ARHGEF3: variants seen among roughly 807,000 people sequenced by gnomAD.
The protein encoded by ARHGEF3 is Rho guanine nucleotide exchange factor 3, also known as 59.8 kDA protein.
ARHGEF3 carries 28 observed loss-of-function variants against 63.2 expected under a neutral mutation model. The observed-to-expected ratio is 0.44, with a 90% CI of 0.33 to 0.61. The LOEUF (loss-of-function observed/expected upper bound fraction) is 0.61. ARHGEF3 is among the 20% of genes least tolerant of loss of function. The pLI is 0.03. For missense variants in ARHGEF3, 533 were observed against 659.3 expected, an observed-to-expected ratio of 0.81 and a Z score of 2.10; for synonymous variants, 266 against 254.2, an observed-to-expected ratio of 1.05 and a Z score of -0.44.
At chr3:57,063,006 T>C (rs903265206) in intron 1 of ARHGEF3, among the ~76,000 whole-genome samples, 1 of 151,842 alleles carries the variant, frequency 6.6e-6, no homozygotes, top group Non-Finnish European at 1.5e-5. Context: ...ATAACGATAG[T>C]GTAAGGAGAA....
Position 56,968,042 on chromosome 3 carries a change from AAATATATATAATATATAT to A in ARHGEF3, c.63-9171_63-9154del, listed in dbSNP as rs1378314358. ...AAAACATATATATTTAATATATATA[AAATATATATAATATATAT>A]AATATATATAATATATTATATATTT... On this transcript the variant is annotated intron_variant, in intron 2 of 12. Transcript: ENST00000338458. Among the ~76,000 whole-genome samples the A allele has an allele frequency of 9.3e-4, 9 of 9,650 alleles. No individual in the cohort carries two copies. In the South Asian group the frequency reaches 0.018, roughly 20 times the overall value. The allele number at this position is 9,650 out of a possible 152,430, so 6.3% of individuals were successfully genotyped here.
chr3:56,757,716 A>G (rs2035158841), intron 2 of ARHGEF3, among the ~76,000 whole-genome samples: 1 of 151,320 alleles, frequency 6.6e-6, no homozygotes, highest in Non-Finnish European at 1.5e-5. Flanking sequence ...TCCTTTATAT[A>G]TTTTTAGCCT....
chr3:56,915,145 C>T (rs2108349064), intron 3 of ARHGEF3, among the ~76,000 whole-genome samples: 1 of 152,252 alleles, frequency 6.6e-6, no homozygotes, highest in Middle Eastern at 3.4e-3. Context: ...AAGCAATGGG[C>T]ATTGCCTTTA....
chr3:56,991,709 G>A (rs1402904647), intron 2 of ARHGEF3, among the ~76,000 whole-genome samples: 1 of 152,176 alleles, frequency 6.6e-6, no homozygotes, highest in Non-Finnish European at 1.5e-5. Flanking sequence ...CTGCCTCCCA[G>A]GTTCAAGCAA....
chr3:57,065,071 G>A (rs952005803), intron 1 of ARHGEF3, among the ~76,000 whole-genome samples: 2 of 152,216 alleles, frequency 1.3e-5, no homozygotes, highest in Non-Finnish European at 2.9e-5. Context: ...GGTGGAGAGA[G>A]GGTTCTGCTG....
At chr3:56,989,066 G>A (rs1401727906) in intron 2 of ARHGEF3, among the ~76,000 whole-genome samples, 2 of 152,186 alleles carry the variant, frequency 1.3e-5, no homozygotes, top group African/African-American at 4.8e-5. Flanking sequence ...CACCGATTGT[G>A]AGTGAAGAGT....
intron 4 of ARHGEF3, among the ~76,000 whole-genome samples, chr3:56,813,374 A>G (rs946360040): frequency 3.3e-5 from 5 of 152,182 alleles, no homozygotes; most frequent in African/African-American, 1.2e-4. Flanking sequence ...GAGGTTTTCC[A>G]CATGTTAGGC....
At chr3:57,056,961 T>A (rs1368497082) in intron 1 of ARHGEF3, among the ~76,000 whole-genome samples, 2 of 149,218 alleles carry the variant, frequency 1.3e-5, no homozygotes, top group Admixed American at 6.7e-5. Context: ...CACACACCCC[T>A]GCCCCCTGCC....
intron 3 of ARHGEF3, among the ~76,000 whole-genome samples, chr3:56,957,667 G>A (rs758680060): frequency 6.6e-6 from 1 of 152,170 alleles, no homozygotes; most frequent in African/African-American, 2.4e-5. Flanking sequence ...TCAGATTCAG[G>A]GGGTGGTCAT....
At chr3:56,905,698 G>C (rs967278467) in intron 3 of ARHGEF3, among the ~76,000 whole-genome samples, 2 of 152,210 alleles carry the variant, frequency 1.3e-5, no homozygotes, top group African/African-American at 4.8e-5. Flanking sequence ...ATGTATAAAA[G>C]GTTGTTCCCC....
Position 56,751,320 on chromosome 3 carries a change from G to A in ARHGEF3, c.515C>T (p.Ser172Phe). Reference protein sequence around the residue: ...ELNQIFGTLDSLIPLHEELLS... With the variant: ...ELNQIFGTLDFLIPLHEELLS... Reference sequence around the variant, plus strand: ...TATACCTTCATGTAGAGGAATTAGAGAGTCCAGTGTTCCAAAAATTTGATT... The same window carrying A: ...TATACCTTCATGTAGAGGAATTAGAAAGTCCAGTGTTCCAAAAATTTGATT... Residue 172 changes from serine (S) to phenylalanine (F), a missense_variant, in exon 5 of 10, where the codon TCT (serine) becomes TTT (phenylalanine). Physicochemically the swap from Ser to Phe is radical, Grantham distance 155. Coordinates refer to ENST00000296315, the MANE Select transcript of ARHGEF3 (RefSeq NM_019555.3). The A allele has an allele frequency of 6.2e-7, 1 of 1,613,376 alleles. No homozygotes were observed. The highest frequency in any genetic ancestry group is 8.5e-7 in the Non-Finnish European group (1 of 1,179,324).
chr3:57,074,262 C>G lies in ARHGEF3; in HGVS notation c.-28+4964G>C, dbSNP rs778398888. ...CTCCAACACACACATACACACACATCTGTAATCAATAATAATCCTGCAACA... is the reference window on the plus strand; with the variant it reads ...CTCCAACACACACATACACACACATGTGTAATCAATAATAATCCTGCAACA... On this transcript the variant is annotated intron_variant, in intron 1 of 12. Coordinates refer to the ARHGEF3 transcript ENST00000338458. 7.5e-6 allele frequency: 12 copies of G among 1,607,166 alleles called. No homozygotes were observed. In the South Asian group the frequency reaches 9.9e-5, roughly 13 times the overall value.
chr3:56,744,265 A>T (rs942072263), intron 7 of ARHGEF3, among the ~76,000 whole-genome samples: 4 of 152,006 alleles, frequency 2.6e-5, no homozygotes, highest in Non-Finnish European at 1.5e-5. Context: ...CCTCAACCAG[A>T]ACGGTGCTCT....
intron 2 of ARHGEF3, among the ~76,000 whole-genome samples, chr3:56,979,438 G>A (rs745569851): frequency 1.3e-5 from 2 of 152,218 alleles, no homozygotes; most frequent in African/African-American, 2.4e-5. Flanking sequence ...CAAGCCAGGG[G>A]CAGAGGCATC....
At chr3:56,876,613 A>G (rs1390620106) in intron 4 of ARHGEF3, among the ~76,000 whole-genome samples, 1 of 152,178 alleles carries the variant, frequency 6.6e-6, no homozygotes, top group African/African-American at 2.4e-5. Context: ...CTGTGAGCAC[A>G]TTCTTCCCAA....
chr3:56,746,056 T>A (rs1393151413), intron 6 of ARHGEF3, among the ~76,000 whole-genome samples: 1 of 152,184 alleles, frequency 6.6e-6, no homozygotes, highest in Non-Finnish European at 1.5e-5. Context: ...CTCTGACACA[T>A]CCCATCAGTC....
At chr3:56,953,193 A>G (rs1239476396) in intron 3 of ARHGEF3, among the ~76,000 whole-genome samples, 2 of 152,114 alleles carry the variant, frequency 1.3e-5, no homozygotes, top group Admixed American at 1.3e-4. Context: ...GAGATGGTAA[A>G]GCCACAATAC....
intron 3 of ARHGEF3, among the ~76,000 whole-genome samples, chr3:56,892,445 C>T (rs892542813): frequency 3.3e-5 from 5 of 152,112 alleles, no homozygotes; most frequent in Non-Finnish European, 5.9e-5. Context: ...CACTGCAATC[C>T]TTGGTTCATA....
chr3:56,800,261 A>G (rs13434307), intron 1 of ARHGEF3, among the ~76,000 whole-genome samples: 41,619 of 152,068 alleles, frequency 0.27, 8,768 homozygotes, highest in East Asian at 0.65. Context: ...TCTTCCTTAC[A>G]AGTGGAGTTT....
Sources: gnomAD v4.1 joint callset for allele counts (sites outside exome capture counted in the v4.1 genomes callset) on GRCh38, gnomAD v4.1.1 for gene constraint, MANE v1.5 for transcripts, NCBI Gene and HGNC (gene_info 2026-07-23, HGNC 2026-07-21) for gene names.